Variants in DNM3 observed in about 807,000 individuals in gnomAD.
DNM3 encodes the protein dynamin 3, also known as dynamin-3.
Under a neutral mutation model 101.6 loss-of-function variants are expected in DNM3, and 47 were observed. That is an observed-to-expected ratio of 0.46 (90% CI 0.37 to 0.59). The LOEUF (loss-of-function observed/expected upper bound fraction) is 0.59. DNM3 is among the 20% of genes least tolerant of loss of function. The pLI, the probability that DNM3 is intolerant of heterozygous loss-of-function variation, is 0.00. For missense variants in DNM3, 849 were observed against 1,085.7 expected (o/e 0.78, Z 3.06); for synonymous variants, 385 against 387.9 (o/e 0.99, Z 0.09).
Position 172,096,038 on chromosome 1 carries a change from G to A in DNM3, c.1545+3163G>A, listed in dbSNP as rs111238175. The stretch of plus-strand genomic sequence containing the variant: ...ACCCTCAGGAAGCCCACAGCTCAGC[G>A]GGGATGATGGTAAGTAAGCAAACTG... On this transcript the variant is annotated intron_variant, in intron 13 of 20. Coordinates refer to ENST00000627582, the MANE Select transcript of DNM3 (RefSeq NM_015569.5). 2.5e-3 allele frequency among the ~76,000 whole-genome samples: 380 copies of A among 152,212 alleles called. 1 individual carries two copies. The highest frequency in any genetic ancestry group is 6.8e-3 in the Middle Eastern group (2 of 294).
chr1:172,002,933 A>C (rs1400870765), intron 4 of DNM3, among the ~76,000 whole-genome samples: 2 of 151,964 alleles, frequency 1.3e-5, no homozygotes, highest in Non-Finnish European at 2.9e-5. Flanking sequence ...CTTTTTTGCC[A>C]CTGGGGGTCA....
At chr1:171,866,605 G>T (rs144190474) in intron 1 of DNM3, among the ~76,000 whole-genome samples, 9 of 152,212 alleles carry the variant, frequency 5.9e-5, no homozygotes, top group African/African-American at 2.2e-4. Flanking sequence ...TTGGTAAATT[G>T]AAGTTGACAT....
intron 10 of DNM3, among the ~76,000 whole-genome samples, chr1:172,067,089 T>C (rs2051741010): frequency 6.6e-6 from 1 of 152,188 alleles, no homozygotes; most frequent in Non-Finnish European, 1.5e-5. Context: ...AATCTCAGTA[T>C]ACCCTCACCT....
chr1:172,299,138 G>C (rs2064313745), intron 15 of DNM3, among the ~76,000 whole-genome samples: 1 of 152,154 alleles, frequency 6.6e-6, no homozygotes, highest in Non-Finnish European at 1.5e-5. Flanking sequence ...GCAGAGAGCA[G>C]CATATTCAAA....
intron 20 of DNM3, among the ~76,000 whole-genome samples, chr1:172,406,115 T>C (rs147458811): frequency 6.6e-6 from 1 of 152,060 alleles, no homozygotes; most frequent in East Asian, 1.9e-4. Flanking sequence ...AGATAACATA[T>C]AAGCCTAATT....
chr1:172,205,741 T>C (rs927183748), intron 14 of DNM3, among the ~76,000 whole-genome samples: 20 of 152,124 alleles, frequency 1.3e-4, no homozygotes, highest in African/African-American at 4.8e-4. Flanking sequence ...CTGTAATGAA[T>C]ATATAGTCGG....
chr1:172,133,525 A>G, intron 14 of DNM3: 1 of 773,002 alleles, frequency 1.3e-6, no homozygotes, highest in South Asian at 5.9e-5. Context: ...AAATTCTAGG[A>G]AAGGGTAGTT....
chr1:172,045,515 C>T lies in DNM3; in HGVS notation c.1196+1063C>T, dbSNP rs115346681. Among the ~76,000 whole-genome samples the T allele has an allele frequency of 8.2e-3, 1,253 of 152,182 alleles. 25 individuals are homozygous for T. Among genetic ancestry groups the T allele is most frequent in the African/African-American group, 0.028 (1,167 of 41,532 alleles). On this transcript the variant is annotated intron_variant, in intron 9 of 20. Coordinates refer to ENST00000627582, the MANE Select transcript of DNM3 (RefSeq NM_015569.5). ...TTCTGCCCTCATGATGTAATTACCT[C>T]CCAAAGGCCCTACCTCCTACTACCA...
chr1:171,940,028 AG>A (rs1434697959), intron 2 of DNM3, among the ~76,000 whole-genome samples: 1 of 152,150 alleles, frequency 6.6e-6, no homozygotes, highest in Non-Finnish European at 1.5e-5. Flanking sequence ...AGAGAAGGAC[AG>A]GTTATTTCAT....
At chr1:172,172,834 T>C (rs369437591) in intron 14 of DNM3, among the ~76,000 whole-genome samples, 29 of 151,966 alleles carry the variant, frequency 1.9e-4, no homozygotes, top group African/African-American at 6.7e-4. Context: ...AAAACATTTC[T>C]TCTTAAACAA....
At chr1:172,415,657 G>C (rs867007398), downstream of DNM3, among the ~76,000 whole-genome samples, 3 of 148,140 alleles carry the variant, frequency 2.0e-5, no homozygotes, top group Admixed American at 6.9e-5. Context: ...AGCCTCCCCA[G>C]TAGCTAGGAT....
intron 17 of DNM3, among the ~76,000 whole-genome samples, chr1:172,335,006 G>A (rs1484127467): frequency 1.3e-5 from 2 of 152,124 alleles, no homozygotes; most frequent in African/African-American, 4.8e-5. Context: ...AATAGACTCA[G>A]TAAGGAACAG....
At chr1:172,251,989 A>G (rs1452641395) in intron 14 of DNM3, among the ~76,000 whole-genome samples, 2 of 152,276 alleles carry the variant, frequency 1.3e-5, no homozygotes, top group Middle Eastern at 3.4e-3. Flanking sequence ...CTCATTTACG[A>G]TTAAATTATG....
intron 2 of DNM3, among the ~76,000 whole-genome samples, chr1:171,955,892 C>A (rs2042821480): frequency 6.6e-6 from 1 of 152,102 alleles, no homozygotes; most frequent in Admixed American, 6.5e-5. Context: ...TGGCAGCAGA[C>A]AAGAGGAGAG....
intron 1 of DNM3, among the ~76,000 whole-genome samples, chr1:171,889,341 A>G (rs1167234744): frequency 1.3e-5 from 2 of 152,194 alleles, no homozygotes; most frequent in African/African-American, 4.8e-5. Flanking sequence ...AAAACAAAAC[A>G]AAACGACAAC....
chr1:172,282,894 C>T (rs1012141418), intron 15 of DNM3, among the ~76,000 whole-genome samples: 4 of 152,226 alleles, frequency 2.6e-5, no homozygotes, highest in African/African-American at 9.6e-5. Flanking sequence ...GCTTATGTGA[C>T]TGTCTTAGGC....
chr1:171,978,739 T>C (rs2044565315), intron 2 of DNM3, among the ~76,000 whole-genome samples: 1 of 152,142 alleles, frequency 6.6e-6, no homozygotes. Context: ...GCTACTTTTA[T>C]GGTAGTACAG....
rs1372120055 is a variant in DNM3, at chr1:172,067,172, G to T, written c.1336-1647G>T. ...TTCTTTTCTTTGCATTAGATCACTTGTACAGTTTGTTTTTCCTTCTGCTTA... is the reference window on the plus strand; with the variant it reads ...TTCTTTTCTTTGCATTAGATCACTTTTACAGTTTGTTTTTCCTTCTGCTTA... On this transcript the variant is annotated intron_variant, in intron 10 of 20. Coordinates refer to ENST00000627582, the MANE Select transcript of DNM3 (RefSeq NM_015569.5). Among the ~76,000 whole-genome samples the T allele has an allele frequency of 3.9e-5, 6 of 152,192 alleles. No homozygotes were observed. The South Asian group carries it at 8.3e-4, about 21-fold the overall frequency.
At chr1:172,188,106 T>A (rs1490152731) in intron 14 of DNM3, among the ~76,000 whole-genome samples, 1 of 152,138 alleles carries the variant, frequency 6.6e-6, no homozygotes, top group East Asian at 1.9e-4. Flanking sequence ...GTGATTAAAC[T>A]GACAAATTTA....
Sources: allele counts gnomAD v4.1 joint callset (sites outside exome capture counted in the v4.1 genomes callset), GRCh38; gene constraint gnomAD v4.1.1; transcripts MANE v1.5; gene names NCBI Gene and HGNC (gene_info 2026-07-23, HGNC 2026-07-21).